Variants in ADGRG1 observed in about 807,000 individuals in gnomAD.
ADGRG1 encodes the protein 7-transmembrane protein with no EGF-like N-terminal domains-1.
ADGRG1 carries 53 observed loss-of-function variants against 73.5 expected under a neutral mutation model. The ratio of observed to expected loss-of-function variants is 0.72; its 90% CI spans 0.58 to 0.91. The LOEUF (loss-of-function observed/expected upper bound fraction) is 0.91, where lower values mean the gene tolerates loss of function less well. Among genes scored for constraint, ADGRG1 ranks in the 40% least tolerant of loss-of-function variants. The pLI, the probability that ADGRG1 is intolerant of heterozygous loss-of-function variation, is 0.00. For missense variants in ADGRG1, 795 were observed against 871.8 expected (o/e 0.91, Z 1.11); for synonymous variants, 394 against 374.4 (o/e 1.05, Z -0.60).
chr16:57,620,267 C>G (rs1436648175), upstream of ADGRG1: 1 of 152,530 alleles, frequency 6.6e-6, no homozygotes, highest in African/African-American at 2.4e-5. Context: ...TGGCCTGGCC[C>G]TTGGCCTGTT....
chr16:57,627,920 C>T, upstream of ADGRG1: 1 of 968,014 alleles, frequency 1.0e-6, no homozygotes, highest in Non-Finnish European at 1.2e-6. Flanking sequence ...AATGGCTCTT[C>T]ACCCAGGCCT....
chr16:57,626,536 G>A (rs1343819064), upstream of ADGRG1: 2 of 965,042 alleles, frequency 2.1e-6, no homozygotes, highest in Non-Finnish European at 1.2e-6. Context: ...TGCAAAGTCC[G>A]ACGGTGAGAG....
At chr16:57,627,716 T>C, upstream of ADGRG1, 1 of 767,620 alleles carries the variant, frequency 1.3e-6, no homozygotes. Flanking sequence ...TGAGGAATCA[T>C]CTATCCTCAT....
chr16:57,644,782 A>C (rs2042050411), intron 1 of ADGRG1, among the ~76,000 whole-genome samples: 2 of 146,076 alleles, frequency 1.4e-5, no homozygotes, highest in Admixed American at 6.8e-5. Context: ...ACACATATGC[A>C]CACTCATGCA....
intron 1 of ADGRG1, chr16:57,636,244 G>A (rs1046431941): frequency 3.6e-5 from 35 of 985,210 alleles, no homozygotes; most frequent in Non-Finnish European, 3.9e-5. Flanking sequence ...TTAATGTAGA[G>A]AGAAAATCCA....
intron 1 of ADGRG1, chr16:57,643,541 G>C (rs1212476731): frequency 6.1e-6 from 6 of 984,252 alleles, no homozygotes; most frequent in Non-Finnish European, 7.2e-6. Context: ...GGGACAGTGA[G>C]GCCTGAGCTG....
At chr16:57,659,144 T>C (rs1244876011) in intron 10 of ADGRG1, 1 of 985,252 alleles carries the variant, frequency 1.0e-6, no homozygotes, top group African/African-American at 1.7e-5. Flanking sequence ...GGTTTATTAC[T>C]GTGGTTGTCT....
chr16:57,625,245 C>CA (rs1295731117), upstream of ADGRG1, among the ~76,000 whole-genome samples: 1 of 152,222 alleles, frequency 6.6e-6, no homozygotes, highest in Non-Finnish European at 1.5e-5. Flanking sequence ...GACGTGTTTC[C>CA]AGCTGCCTTG....
At chr16:57,625,674 C>T, upstream of ADGRG1, 2 of 984,770 alleles carry the variant, frequency 2.0e-6, no homozygotes, top group Non-Finnish European at 2.4e-6. Flanking sequence ...TTCAGCAGGT[C>T]TCAGGCTATC....
At chr16:57,641,860 T>C (rs1245210535) in intron 1 of ADGRG1, among the ~76,000 whole-genome samples, 1 of 152,084 alleles carries the variant, frequency 6.6e-6, no homozygotes, top group Non-Finnish European at 1.5e-5. Context: ...TCGCCGTGCC[T>C]GGCCTCCAAA....
Position 57,663,660 on chromosome 16 carries a change from C to A in ADGRG1, c.*78C>A. 6.7e-7 allele frequency: 1 copy of A among 1,500,174 alleles called. No individual in the cohort carries two copies. 92.9% of individuals were successfully genotyped at this position (1,500,174 alleles called of 1,614,324 possible). On this transcript the variant is annotated 3_prime_UTR_variant, in exon 14 of 14. Transcript: ENST00000562631. ...ACTGCCTGTGGCCCCCGAGCCCGGCCCAGCCCCAGGCCAGTCAGCCGCAGA... is the reference window on the plus strand; with the variant it reads ...ACTGCCTGTGGCCCCCGAGCCCGGCACAGCCCCAGGCCAGTCAGCCGCAGA...
Position 57,653,346 on chromosome 16 carries a change from C to T in ADGRG1, c.620+11C>T, listed in dbSNP as rs200892904. 48 of 1,606,896 alleles carry T rather than the reference C, an allele frequency of 3.0e-5. No individual in the cohort carries two copies. The East Asian group carries it at 9.8e-4, about 33-fold the overall frequency. On this transcript the variant is annotated intron_variant, in intron 4 of 13. Transcript: ENST00000562631. ...TGCCCCCGCCAGCCAGTAAGTTTGG[C>T]ACCTGGGGCTGTGAGGGGAGGCAGG...
chr16:57,659,280 G>T, intron 10 of ADGRG1, 133 bp from the exon 11 acceptor site: 1 of 1,550,966 alleles, frequency 6.4e-7, no homozygotes, highest in Non-Finnish European at 8.7e-7. Flanking sequence ...ACAGGAATAG[G>T]ATAGGGGCCA....
At chr16:57,643,724 C>T (rs1394945036) in intron 1 of ADGRG1, 4 of 984,858 alleles carry the variant, frequency 4.1e-6, no homozygotes, top group Non-Finnish European at 4.8e-6. Context: ...CACTCTGCTT[C>T]TGCCAGTGAT....
rs1293573325 is a variant in ADGRG1 at position 57,647,496 on chromosome 16, G to C, written c.-35-2757G>C. 9.8e-6 allele frequency: 9 copies of C among 921,664 alleles called. No individual in the cohort carries two copies. The African/African-American group carries it at 1.6e-4, about 16-fold the overall frequency. The allele number at this position is 921,664 out of a possible 1,614,324, so 57.1% of individuals were successfully genotyped here. Reference sequence around the variant, plus strand: ...GCACCTGCCTCTAAGCCGTTTACAGGTATCAATTCATTTAATTCTCACAAT... The same window carrying C: ...GCACCTGCCTCTAAGCCGTTTACAGCTATCAATTCATTTAATTCTCACAAT... On this transcript the variant is annotated intron_variant, in intron 1 of 13. Transcript: ENST00000562631.
At chr16:57,660,638 G>A (rs2046860170) in intron 11 of ADGRG1, 130 bp from the exon 12 acceptor site, 9 of 1,521,386 alleles carry the variant, frequency 5.9e-6, no homozygotes, top group Non-Finnish European at 8.0e-6. Flanking sequence ...TTCCCCACCA[G>A]ATGGGGCTGG....
intron 1 of ADGRG1, among the ~76,000 whole-genome samples, chr16:57,649,187 G>A (rs1194842012): frequency 6.6e-6 from 1 of 152,190 alleles, no homozygotes; most frequent in Non-Finnish European, 1.5e-5. Context: ...CCTGGGTACT[G>A]GCTCCCCCTG....
At chr16:57,661,132 G>T (rs1460166893) in intron 12 of ADGRG1, 1 of 274,216 alleles carries the variant, frequency 3.6e-6, no homozygotes, top group Non-Finnish European at 5.6e-6. Flanking sequence ...ATGCATGAAT[G>T]GGGGTATGGG....
chr16:57,627,888 C>T (rs2036164124), upstream of ADGRG1: 1 of 974,712 alleles, frequency 1.0e-6, no homozygotes, highest in South Asian at 4.7e-5. Flanking sequence ...ACTTCTCTGT[C>T]TGAGCTTTTG....
Sources: allele counts gnomAD v4.1 joint callset (sites outside exome capture counted in the v4.1 genomes callset), GRCh38; gene constraint gnomAD v4.1.1; transcripts MANE v1.5; gene names NCBI Gene and HGNC (gene_info 2026-07-23, HGNC 2026-07-21).